Variants in ZBTB16 observed in about 807,000 individuals in gnomAD.
The protein encoded by ZBTB16 is zinc finger and BTB domain-containing protein 16.
In ZBTB16, 8 loss-of-function variants were observed where a neutral mutation model predicts 56.8. The observed-to-expected ratio is 0.14, with a 90% CI of 0.08 to 0.25. The LOEUF is 0.25. Ranked by LOEUF, ZBTB16 falls within the 10% of genes least tolerant of loss-of-function variation. The pLI, the probability that ZBTB16 is intolerant of heterozygous loss-of-function variation, is 1.00. For synonymous variants in ZBTB16, 363 were observed against 368.5 expected (o/e 0.98, Z 0.17); for missense variants, 625 against 903.0 (o/e 0.69, Z 3.95).
At chr11:114,078,310 G>A (rs1208807249) in intron 2 of ZBTB16, among the ~76,000 whole-genome samples, 2 of 152,074 alleles carry the variant, frequency 1.3e-5, no homozygotes, top group East Asian at 3.9e-4. Context: ...TTTCTCCCTT[G>A]GTCGTCTCCC....
intron 2 of ZBTB16, among the ~76,000 whole-genome samples, chr11:114,125,440 A>C (rs909451630): frequency 1.3e-5 from 2 of 152,172 alleles, no homozygotes; most frequent in Admixed American, 1.3e-4. Flanking sequence ...GAGGTGAGAA[A>C]GCTGTGGCCC....
chr11:114,233,146 C>T (rs1319661295), intron 4 of ZBTB16, among the ~76,000 whole-genome samples: 1 of 148,200 alleles, frequency 6.7e-6, no homozygotes, highest in African/African-American at 2.5e-5. Context: ...CTCACACTCC[C>T]TTTCCTTCTT....
chr11:114,110,121 C>T (rs1003445532), intron 2 of ZBTB16, among the ~76,000 whole-genome samples: 11 of 151,754 alleles, frequency 7.2e-5, no homozygotes, highest in Non-Finnish European at 1.5e-4. Context: ...TGCTGGGGGG[C>T]GGTATTTAGG....
chr11:114,084,505 GCTCC>G (rs146952682), intron 2 of ZBTB16, among the ~76,000 whole-genome samples: 10,995 of 152,232 alleles, frequency 0.072, 559 homozygotes, highest in South Asian at 0.13. Context: ...AGGGATAAGA[GCTCC>G]GGAGGAGGAG....
chr11:114,235,384 G>A (rs1944542533), intron 4 of ZBTB16, among the ~76,000 whole-genome samples: 1 of 152,222 alleles, frequency 6.6e-6, no homozygotes, highest in Admixed American at 6.5e-5. Flanking sequence ...GCTCCAAGAA[G>A]GTGTAGCACC....
chr11:114,192,405 A>G (rs1050401053), intron 4 of ZBTB16, among the ~76,000 whole-genome samples: 1 of 152,202 alleles, frequency 6.6e-6, no homozygotes. Context: ...AGTGACAGAA[A>G]CCTATAGGGA....
chr11:114,098,466 T>C (rs970253854), intron 2 of ZBTB16, among the ~76,000 whole-genome samples: 1 of 152,030 alleles, frequency 6.6e-6, no homozygotes, highest in African/African-American at 2.4e-5. Context: ...TAACTATACA[T>C]TGATTGCTTT....
At chr11:114,172,871 G>GT (rs957863513) in intron 3 of ZBTB16, among the ~76,000 whole-genome samples, 5 of 152,296 alleles carry the variant, frequency 3.3e-5, no homozygotes, top group African/African-American at 1.2e-4. Flanking sequence ...GTTTTGGTTT[G>GT]TTTTTTTCCG....
At chr11:114,204,134 T>C (rs185673489) in intron 4 of ZBTB16, among the ~76,000 whole-genome samples, 33 of 151,964 alleles carry the variant, frequency 2.2e-4, no homozygotes, top group African/African-American at 8.0e-4. Flanking sequence ...AAAAGAAATA[T>C]GTTCTCTGTG....
intron 2 of ZBTB16, among the ~76,000 whole-genome samples, chr11:114,105,289 G>A (rs1207083071): frequency 6.6e-6 from 1 of 151,328 alleles, no homozygotes; most frequent in Non-Finnish European, 1.5e-5. Flanking sequence ...CACCCAGGCT[G>A]GAATGCGCTG....
chr11:114,232,649 G>C (rs1944463303), intron 4 of ZBTB16, among the ~76,000 whole-genome samples: 1 of 152,228 alleles, frequency 6.6e-6, no homozygotes, highest in Non-Finnish European at 1.5e-5. Flanking sequence ...GCAGAGCTGG[G>C]CTAGGTTAGG....
intron 4 of ZBTB16, among the ~76,000 whole-genome samples, chr11:114,220,410 T>C (rs1286593898): frequency 6.6e-6 from 1 of 152,188 alleles, no homozygotes; most frequent in East Asian, 1.9e-4. Context: ...TGTGTAAATA[T>C]GTCATGTTCT....
intron 2 of ZBTB16, among the ~76,000 whole-genome samples, chr11:114,069,375 A>G (rs568119358): frequency 6.6e-6 from 1 of 152,310 alleles, no homozygotes; most frequent in South Asian, 2.1e-4. Flanking sequence ...GTGAGCCACC[A>G]CGCCCGGCCT....
intron 2 of ZBTB16, among the ~76,000 whole-genome samples, chr11:114,103,366 A>G (rs1940681037): frequency 6.6e-6 from 1 of 152,232 alleles, no homozygotes; most frequent in Non-Finnish European, 1.5e-5. Flanking sequence ...CTGCCCCAGA[A>G]TTAGCAGTTG....
Position 114,251,062 on chromosome 11 carries a change from GCGGCTGA to G in ZBTB16, c.*509_*515del, listed in dbSNP as rs1294120286. 6.6e-6 allele frequency among the ~76,000 whole-genome samples: 1 copy of G among 152,152 alleles called. No homozygotes were observed. The highest frequency in any genetic ancestry group is 1.5e-5 in the Non-Finnish European group (1 of 68,028). On this transcript the variant is annotated 3_prime_UTR_variant, in exon 7 of 7. Coordinates refer to ENST00000335953, the MANE Select transcript of ZBTB16 (RefSeq NM_006006.6). Reference sequence around the variant, plus strand: ...TCAAAATGGCAGCTCTAGTTTGCTGGCGGCTGACTGGGGAGGAGAAGGGCTCTGTTTC... The same window carrying G: ...TCAAAATGGCAGCTCTAGTTTGCTGGCTGGGGAGGAGAAGGGCTCTGTTTC...
intron 3 of ZBTB16, among the ~76,000 whole-genome samples, chr11:114,166,559 A>G (rs950637221): frequency 6.6e-6 from 1 of 152,152 alleles, no homozygotes; most frequent in African/African-American, 2.4e-5. Context: ...CTTTGCTGTA[A>G]TGGGCCCGCA....
At chr11:114,149,454 C>CT (rs1416703634) in intron 2 of ZBTB16, among the ~76,000 whole-genome samples, 3 of 152,198 alleles carry the variant, frequency 2.0e-5, no homozygotes, top group Non-Finnish European at 4.4e-5. Context: ...GAGGCACCTG[C>CT]TGTGTGCTCC....
intron 5 of ZBTB16, among the ~76,000 whole-genome samples, chr11:114,242,824 C>T (rs778005427): frequency 1.8e-4 from 27 of 152,324 alleles, no homozygotes; most frequent in Admixed American, 5.2e-4. Context: ...CAAGTTGAAG[C>T]AGTGATCCTA....
At chr11:114,091,523 C>T (rs1191021749) in intron 2 of ZBTB16, among the ~76,000 whole-genome samples, 10 of 151,982 alleles carry the variant, frequency 6.6e-5, no homozygotes, top group Non-Finnish European at 1.5e-5. Flanking sequence ...CTTGTGTTTT[C>T]TCTGTACTTG....
Sources: allele counts gnomAD v4.1 joint callset (sites outside exome capture counted in the v4.1 genomes callset), GRCh38; gene constraint gnomAD v4.1.1; transcripts MANE v1.5; gene names NCBI Gene and HGNC (gene_info 2026-07-23, HGNC 2026-07-21).